AUTS2: variants seen among roughly 807,000 people sequenced by gnomAD.
AUTS2 encodes the protein autism susceptibility gene 2 protein.
Under a neutral mutation model 112.4 loss-of-function variants are expected in AUTS2, and 17 were observed. The observed-to-expected ratio is 0.15, with a 90% CI of 0.10 to 0.23. AUTS2 has a LOEUF of 0.23. Among genes scored for constraint, AUTS2 ranks in the 10% least tolerant of loss-of-function variants. The pLI is 1.00. For synonymous variants in AUTS2, 751 were observed against 702.7 expected (o/e 1.07, Z -1.09); for missense variants, 1,510 against 1,701.6 (o/e 0.89, Z 1.98).
intron 1 of AUTS2, among the ~76,000 whole-genome samples, chr7:69,685,303 C>G (rs1797011950): frequency 6.6e-6 from 1 of 152,208 alleles, no homozygotes; most frequent in South Asian, 2.1e-4. Context: ...TGCTTTTCCT[C>G]CAAGGCTCAG....
At chr7:70,425,800 A>C (rs972956641) in intron 4 of AUTS2, among the ~76,000 whole-genome samples, 7 of 152,250 alleles carry the variant, frequency 4.6e-5, no homozygotes, top group African/African-American at 1.7e-4. Flanking sequence ...CACCTGGCTC[A>C]TGTATGCTTT....
intron 5 of AUTS2, among the ~76,000 whole-genome samples, chr7:70,605,157 C>T (rs1330857581): frequency 6.6e-6 from 1 of 152,174 alleles, no homozygotes; most frequent in Non-Finnish European, 1.5e-5. Flanking sequence ...CCATTTTTCA[C>T]TAAGGCTAAA....
chr7:69,980,591 CTG>C (rs1188798570), intron 2 of AUTS2, among the ~76,000 whole-genome samples: 1 of 151,532 alleles, frequency 6.6e-6, no homozygotes, highest in Non-Finnish European at 1.5e-5. Context: ...AAGCTTGAAA[CTG>C]TTAAAAAAAA....
At chr7:69,902,136 T>C (rs546233293) in intron 2 of AUTS2, among the ~76,000 whole-genome samples, 104 of 152,034 alleles carry the variant, frequency 6.8e-4, no homozygotes, top group Non-Finnish European at 1.4e-3. Context: ...AAGGGTAAGA[T>C]GCATTTATAG....
intron 1 of AUTS2, among the ~76,000 whole-genome samples, chr7:69,883,872 A>T (rs1329916080): frequency 1.3e-5 from 2 of 152,196 alleles, no homozygotes; most frequent in Non-Finnish European, 2.9e-5. Context: ...GATTACAAAT[A>T]TATACGCGTT....
At chr7:70,540,629 T>C (rs1800516961) in intron 5 of AUTS2, among the ~76,000 whole-genome samples, 1 of 152,148 alleles carries the variant, frequency 6.6e-6, no homozygotes, top group African/African-American at 2.4e-5. Flanking sequence ...CATCGATTCA[T>C]GGTATTGGTT....
intron 4 of AUTS2, among the ~76,000 whole-genome samples, chr7:70,151,243 T>G (rs1306339497): frequency 6.6e-6 from 1 of 152,088 alleles, no homozygotes; most frequent in African/African-American, 2.4e-5. Context: ...GTTAATTAGC[T>G]CATGCATTTC....
intron 2 of AUTS2, among the ~76,000 whole-genome samples, chr7:70,038,559 C>T (rs554318007): frequency 6.6e-6 from 1 of 152,144 alleles, no homozygotes; most frequent in East Asian, 1.9e-4. Context: ...AAGAATATAT[C>T]TCAGAGTTAT....
chr7:69,691,109 A>G (rs996760400), intron 1 of AUTS2, among the ~76,000 whole-genome samples: 8 of 152,070 alleles, frequency 5.3e-5, no homozygotes, highest in East Asian at 3.9e-4. Context: ...GCCTGAGTCT[A>G]CCTGAGTCCG....
At chr7:69,891,124 C>T (rs1173436379) in intron 1 of AUTS2, among the ~76,000 whole-genome samples, 1 of 152,166 alleles carries the variant, frequency 6.6e-6, no homozygotes, top group Non-Finnish European at 1.5e-5. Context: ...TCCTTATGTC[C>T]CTTTATAATC....
rs557925272 is a variant in AUTS2, at chr7:70,083,367, G to T, written c.523-34765G>T. On this transcript the variant is annotated intron_variant, in intron 2 of 18. Transcript: ENST00000342771. The stretch of plus-strand genomic sequence containing the variant: ...AGGGATAAGGCAGCGAGGACAAGTT[G>T]CCTCTATCTACTTTAGCCAGAAGAT... Among the ~76,000 whole-genome samples the T allele has an allele frequency of 5.3e-5, 8 of 152,230 alleles. No homozygotes were observed. In the East Asian group the frequency reaches 1.4e-3, roughly 26 times the overall value.
chr7:69,655,199 A>G (rs543608719), intron 1 of AUTS2, among the ~76,000 whole-genome samples: 1 of 151,986 alleles, frequency 6.6e-6, no homozygotes, highest in South Asian at 2.1e-4. Context: ...CCAGTTAATG[A>G]AAAAAAAATC....
chr7:69,689,852 ATT>A (rs748540277), intron 1 of AUTS2, among the ~76,000 whole-genome samples: 3 of 116,104 alleles, frequency 2.6e-5, no homozygotes, highest in Non-Finnish European at 3.6e-5. Context: ...TTAATTTTGT[ATT>A]TTTTTTTTTT....
At chr7:70,287,236 G>T (rs1218813340) in intron 4 of AUTS2, among the ~76,000 whole-genome samples, 3 of 152,156 alleles carry the variant, frequency 2.0e-5, no homozygotes, top group Non-Finnish European at 4.4e-5. Flanking sequence ...TGAGAATAGG[G>T]TGTGGTCCTA....
chr7:70,770,864 G>T (rs1020907746), intron 10 of AUTS2, among the ~76,000 whole-genome samples: 2 of 152,194 alleles, frequency 1.3e-5, no homozygotes, highest in African/African-American at 4.8e-5. Context: ...CCAGACTCGG[G>T]TTATTTCTGT....
chr7:70,240,251 G>T (rs1812542895), intron 4 of AUTS2, among the ~76,000 whole-genome samples: 1 of 152,174 alleles, frequency 6.6e-6, no homozygotes, highest in Non-Finnish European at 1.5e-5. Context: ...ATGTAACCTG[G>T]TAACTAGTAG....
intron 5 of AUTS2, among the ~76,000 whole-genome samples, chr7:70,627,664 G>T (rs1245604791): frequency 6.6e-6 from 1 of 152,220 alleles, no homozygotes; most frequent in Non-Finnish European, 1.5e-5. Flanking sequence ...GCTGGCGCCA[G>T]TTCCTGTCAT....
At chr7:69,957,049 T>C (rs1797241521) in intron 2 of AUTS2, among the ~76,000 whole-genome samples, 1 of 150,584 alleles carries the variant, frequency 6.6e-6, no homozygotes, top group Non-Finnish European at 1.5e-5. Context: ...TTTTGTTCTT[T>C]CTTTTTTTTT....
intron 1 of AUTS2, among the ~76,000 whole-genome samples, chr7:69,817,596 G>A (rs1325211751): frequency 6.6e-6 from 1 of 152,216 alleles, no homozygotes; most frequent in African/African-American, 2.4e-5. Flanking sequence ...CTTCCAGTGG[G>A]TTGCTGAGGG....
Sources: gnomAD v4.1 joint callset for allele counts (sites outside exome capture counted in the v4.1 genomes callset) on GRCh38, gnomAD v4.1.1 for gene constraint, MANE v1.5 for transcripts, NCBI Gene and HGNC (gene_info 2026-07-23, HGNC 2026-07-21) for gene names.